Variants in B3GALT5 observed in about 807,000 individuals in gnomAD.
B3GALT5 encodes beta-1,3-galactosyltransferase 5, also known as UDP-Gal:betaGlcNAc beta 1,3-galactosyltransferase, polypeptide 5.
For missense variants in B3GALT5, 328 were observed against 396.6 expected (o/e 0.83, Z 1.47); for synonymous variants, 156 against 158.6 (o/e 0.98, Z 0.12).
At chr21:39,643,323 CAGG>C (rs574690384) in intron 1 of B3GALT5, among the ~76,000 whole-genome samples, 86 of 150,912 alleles carry the variant, frequency 5.7e-4, no homozygotes, top group South Asian at 1.3e-3. Flanking sequence ...GAGGCTGAGG[CAGG>C]AGAGTCACTT....
At chr21:39,633,470 G>A (rs905429501) in intron 1 of B3GALT5, among the ~76,000 whole-genome samples, 4 of 152,156 alleles carry the variant, frequency 2.6e-5, no homozygotes, top group Admixed American at 6.5e-5. Context: ...ATTTGTAACC[G>A]GCACAATACT....
At position 39,672,718 on chromosome 21, in the gene B3GALT5, T is replaced by C. The variant is rs1287372305; in HGVS notation, c.*11226T>C. On this transcript the variant is annotated 3_prime_UTR_variant, in exon 4 of 4. Transcript: ENST00000684187. ...TTTACATTGATGTTTTCTATATTTA[T>C]TTTGTACCTGGAAAAATATTTTTAC... is the stretch of plus-strand genomic sequence containing the variant. 1 of 152,242 alleles carries C rather than the reference T, an allele frequency of 6.6e-6. No individual in the cohort carries two copies. The highest frequency in any genetic ancestry group is 2.4e-5 in the African/African-American group (1 of 41,468). 9.4% of individuals were successfully genotyped at this position (152,242 alleles called of 1,614,324 possible).
rs2079574315 is a variant in B3GALT5 at position 39,665,974 on chromosome 21, T to A, written c.*4482T>A. Reference sequence around the variant, plus strand: ...GTCCCAGCACATAGTAGATGCTCAATAAACATTTGTTGAGTGGAACTGAAT... The same window carrying A: ...GTCCCAGCACATAGTAGATGCTCAAAAAACATTTGTTGAGTGGAACTGAAT... On this transcript the variant is annotated 3_prime_UTR_variant, in exon 4 of 4. Coordinates refer to ENST00000684187, the MANE Select transcript of B3GALT5 (RefSeq NM_001356336.2). 1 of 152,236 alleles carries A rather than the reference T, an allele frequency of 6.6e-6. No homozygotes were observed. Among genetic ancestry groups the A allele is most frequent in the South Asian group, 2.1e-4 (1 of 4,830 alleles). The allele number at this position is 152,236 out of a possible 1,614,324, so 9.4% of individuals were successfully genotyped here.
chr21:39,619,251 T>G (rs1209585334), intron 1 of B3GALT5, among the ~76,000 whole-genome samples: 1 of 152,184 alleles, frequency 6.6e-6, no homozygotes, highest in East Asian at 1.9e-4. Context: ...GTGAGGACCC[T>G]CTTCAGGGAT....
intron 1 of B3GALT5, among the ~76,000 whole-genome samples, chr21:39,640,883 G>A (rs2079284607): frequency 6.6e-6 from 1 of 152,082 alleles, no homozygotes; most frequent in Non-Finnish European, 1.5e-5. Context: ...GGAACAATGG[G>A]CACATGCCAC....
At chr21:39,649,663 AG>A (rs2079376034) in intron 2 of B3GALT5, among the ~76,000 whole-genome samples, 1 of 152,036 alleles carries the variant, frequency 6.6e-6, no homozygotes, top group Non-Finnish European at 1.5e-5. Flanking sequence ...CCCAGGGGCG[AG>A]GGGGATTCTG....
chr21:39,657,751 A>G (rs776151659), intron 2 of B3GALT5: 61 of 784,346 alleles, frequency 7.8e-5, no homozygotes, highest in Non-Finnish European at 9.1e-5. Flanking sequence ...CAATCTTTCT[A>G]TCTATCCATA....
chr21:39,659,734 CTT>C lies in B3GALT5; in HGVS notation c.-160-7_-160-6del, dbSNP rs56684550. ...AGGCACGAGTGATTTGAATGACACT[CTT>C]TTTTTTTTTTTCCTAGTGATTCCTG... On this transcript the variant is annotated splice_polypyrimidine_tract_variant and intron_variant, in intron 2 of 3. Transcript: ENST00000684187. 1.1e-4 allele frequency: 89 copies of C among 778,542 alleles called. No individual in the cohort carries two copies. The highest frequency in any genetic ancestry group is 6.7e-4 in the Middle Eastern group (1 of 1,486). The allele number at this position is 778,542 out of a possible 1,614,324, so 48.2% of individuals were successfully genotyped here.
chr21:39,617,616 G>A (rs79762958), intron 1 of B3GALT5, among the ~76,000 whole-genome samples: 3 of 152,278 alleles, frequency 2.0e-5, no homozygotes, highest in East Asian at 3.9e-4. Flanking sequence ...GATTACAGCC[G>A]GAGATGAGAT....
intron 1 of B3GALT5, among the ~76,000 whole-genome samples, chr21:39,631,977 C>T (rs1415056368): frequency 2.0e-5 from 3 of 152,130 alleles, no homozygotes; most frequent in Non-Finnish European, 4.4e-5. Flanking sequence ...AGGGTGTGTT[C>T]GCAGGACTTT....
At chr21:39,622,228 G>A (rs1481355741) in intron 1 of B3GALT5, among the ~76,000 whole-genome samples, 1 of 151,986 alleles carries the variant, frequency 6.6e-6, no homozygotes, top group East Asian at 1.9e-4. Context: ...AGTGGTATGT[G>A]TGCAATTGAA....
At chr21:39,644,936 C>G (rs370654298) in intron 1 of B3GALT5, among the ~76,000 whole-genome samples, 93 of 152,204 alleles carry the variant, frequency 6.1e-4, no homozygotes, top group African/African-American at 2.1e-3. Flanking sequence ...GGCTCACCCC[C>G]CTTTCTTCTC....
At chr21:39,659,278 A>G (rs1242583355) in intron 2 of B3GALT5, among the ~76,000 whole-genome samples, 1 of 152,014 alleles carries the variant, frequency 6.6e-6, no homozygotes, top group Non-Finnish European at 1.5e-5. Flanking sequence ...AGCCCAAACC[A>G]ACTCTGCTTT....
chr21:39,639,388 TTCC>T (rs1569212290), intron 1 of B3GALT5, among the ~76,000 whole-genome samples: 42 of 126,346 alleles, frequency 3.3e-4, no homozygotes, highest in African/African-American at 1.0e-3. Context: ...CCTTCCTTCC[TTCC>T]TTCTTTCTTT....
rs1287699047 is a variant in B3GALT5, at chr21:39,616,359, G to A, written c.-392+3292G>A. On this transcript the variant is annotated intron_variant, in intron 1 of 3. Coordinates refer to ENST00000684187, the MANE Select transcript of B3GALT5 (RefSeq NM_001356336.2). ...CTCTGCAAGTTCCCTTTTTAATCTC[G>A]TTCCGTCTCCTTGTCATTGCTTGTG... is the stretch of plus-strand genomic sequence containing the variant. 4.6e-5 allele frequency among the ~76,000 whole-genome samples: 7 copies of A among 151,826 alleles called. No homozygotes were observed. In the South Asian group the frequency reaches 6.2e-4, roughly 14 times the overall value.
chr21:39,662,480 C>A lies in B3GALT5; in HGVS notation c.*988C>A, dbSNP rs866139521. On this transcript the variant is annotated 3_prime_UTR_variant, in exon 4 of 4. Coordinates refer to ENST00000684187, the MANE Select transcript of B3GALT5 (RefSeq NM_001356336.2). ...AGCTTTCTGGGAATTCAGTTGGAGT[C>A]AAGTCAGGATGCTCTCAAGGACCCC... 1 of 167,156 alleles carries A rather than the reference C, an allele frequency of 6.0e-6. No individual in the cohort carries two copies. Among genetic ancestry groups the A allele is most frequent in the African/African-American group, 2.4e-5 (1 of 41,464 alleles). 10.4% of individuals were successfully genotyped at this position (167,156 alleles called of 1,614,324 possible). A position where few individuals can be genotyped will look rare whatever the true frequency, so the allele number is the denominator to read the frequency against.
chr21:39,657,667 G>A (rs73217203), intron 2 of B3GALT5: 23 of 245,926 alleles, frequency 9.4e-5, no homozygotes, highest in African/African-American at 3.9e-4. Flanking sequence ...CTATCTGTCT[G>A]TCTATCTATC....
At chr21:39,623,283 C>CTTCCTTCCTTCT (rs2079147479) in intron 1 of B3GALT5, among the ~76,000 whole-genome samples, 1 of 133,098 alleles carries the variant, frequency 7.5e-6, no homozygotes, top group Non-Finnish European at 1.6e-5. Flanking sequence ...TCCTTCCTTC[C>CTTCCTTCCTTCT]TTCCTTCCTC....
At chr21:39,659,136 A>T (rs2079482670) in intron 2 of B3GALT5, among the ~76,000 whole-genome samples, 1 of 152,102 alleles carries the variant, frequency 6.6e-6, no homozygotes, top group South Asian at 2.1e-4. Flanking sequence ...GCTACTTGGG[A>T]AGCTGTGACC....
Sources: allele counts gnomAD v4.1 joint callset (sites outside exome capture counted in the v4.1 genomes callset), GRCh38; gene constraint gnomAD v4.1.1; transcripts MANE v1.5; gene names NCBI Gene and HGNC (gene_info 2026-07-23, HGNC 2026-07-21).